Variants in NUP214 observed in about 807,000 individuals in gnomAD.
NUP214 encodes nucleoporin 214.
In NUP214, 79 loss-of-function variants were observed where a neutral mutation model predicts 196.2. The observed-to-expected ratio is 0.40, with a 90% CI of 0.34 to 0.49. The LOEUF is 0.49. NUP214 is among the 20% of genes least tolerant of loss of function. The pLI, the probability that NUP214 is intolerant of heterozygous loss-of-function variation, is 0.58. For missense variants in NUP214, 2,468 were observed against 2,539.0 expected, an observed-to-expected ratio of 0.97 and a Z score of 0.60; for synonymous variants, 1,020 against 990.5, an observed-to-expected ratio of 1.03 and a Z score of -0.56.
chr9:131,145,258 C>T (rs141699111), intron 12 of NUP214, among the ~76,000 whole-genome samples: 8 of 152,190 alleles, frequency 5.3e-5, no homozygotes, highest in African/African-American at 1.9e-4. Flanking sequence ...GGTTGGTATC[C>T]AGTTTCCTCC....
Position 131,129,442 on chromosome 9 carries a change from G to C in NUP214, c.557G>C (p.Cys186Ser). The C allele has an allele frequency of 1.2e-6, 2 of 1,614,208 alleles. No homozygotes were observed. The highest frequency in any genetic ancestry group is 1.7e-6 in the Non-Finnish European group (2 of 1,180,028). Residue 186 changes from cysteine to serine, a missense_variant, in exon 4 of 36, where the codon TGT (cysteine) becomes TCT (serine). Physicochemically the swap from Cys to Ser is moderately radical, Grantham distance 112 (BLOSUM62 -1). Coordinates refer to ENST00000359428, the MANE Select transcript of NUP214 (RefSeq NM_005085.4). ...CAAGTCACGGAAACAGTGAAAGTAT[G>C]TGCAACTCTTCCTTCCACGGTAGCA... is the stretch of plus-strand genomic sequence containing the variant. Reference protein sequence around the residue: ...VLQVTETVKVCATLPSTVAVT... With the variant: ...VLQVTETVKVSATLPSTVAVT...
At chr9:131,168,210 T>C (rs971533929) in intron 21 of NUP214, among the ~76,000 whole-genome samples, 1 of 152,234 alleles carries the variant, frequency 6.6e-6, no homozygotes. Flanking sequence ...AAGTTCTTAA[T>C]TGTAAAATAG....
chr9:131,193,535 A>G (rs1020774162), intron 27 of NUP214, among the ~76,000 whole-genome samples: 1 of 150,302 alleles, frequency 6.7e-6, no homozygotes, highest in African/African-American at 2.4e-5. Context: ...AATTTGCAGC[A>G]AATTTTAAAG....
At chr9:131,214,555 T>C (rs1834339810) in intron 30 of NUP214, among the ~76,000 whole-genome samples, 1 of 152,186 alleles carries the variant, frequency 6.6e-6, no homozygotes, top group Admixed American at 6.5e-5. Context: ...AGTTGTTCTT[T>C]AAGAACCAGC....
At chr9:131,228,385 AG>A in intron 33 of NUP214, 54 bp downstream of exon 33, 1 of 1,527,274 alleles carries the variant, frequency 6.5e-7, no homozygotes, top group Non-Finnish European at 8.8e-7. Context: ...AAAAAGCACT[AG>A]GGGCCTGTAC....
chr9:131,132,687 A>G, intron 6 of NUP214, 28 bp downstream of exon 6: 1 of 1,571,850 alleles, frequency 6.4e-7, no homozygotes, highest in Non-Finnish European at 8.8e-7. Context: ...TATTGGGCTG[A>G]CCTCTAATGA....
chr9:131,205,959 A>G (rs1834066269), intron 30 of NUP214, among the ~76,000 whole-genome samples: 1 of 152,120 alleles, frequency 6.6e-6, no homozygotes, highest in African/African-American at 2.4e-5. Flanking sequence ...CTGGGATTAC[A>G]GTCATGAGCC....
intron 30 of NUP214, among the ~76,000 whole-genome samples, chr9:131,214,237 A>G (rs1205803532): frequency 3.3e-5 from 5 of 152,250 alleles, no homozygotes; most frequent in African/African-American, 1.2e-4. Context: ...TGCCTAGCAC[A>G]TACAGAGTGC....
At chr9:131,185,458 T>C (rs984928364) in intron 24 of NUP214, among the ~76,000 whole-genome samples, 4 of 152,258 alleles carry the variant, frequency 2.6e-5, no homozygotes, top group Admixed American at 6.5e-5. Flanking sequence ...GGCTCTGTTA[T>C]AGCACCATTT....
Position 131,175,534 on chromosome 9 carries a change from G to T in NUP214, c.3232G>T (p.Gly1078Cys). The change falls in exon 23 of 36, where the codon GGT becomes TGT. Residue 1078 changes from glycine to cysteine, a missense_variant. Around this residue, in one of 5 missense-constraint regions of NUP214, gnomAD observed 1,801 missense variants for 1,779.4 expected, o/e 1.01. Coordinates refer to ENST00000359428, the MANE Select transcript of NUP214 (RefSeq NM_005085.4). ...TMLATKTVKH[G>C]APSPSHPISA... ...GCTTGCCACGAAAACCGTGAAACAT[G>T]GTGCACCTAGTCCTTCCCACCCCAT... 6.2e-7 allele frequency: 1 copy of T among 1,614,186 alleles called. No individual in the cohort carries two copies.
In NUP214 at chr9:131,163,035, C is replaced by G; in HGVS notation, c.2585C>G (p.Ala862Gly). ...PERETLFNTLANNREIINQQR... is the reference protein window; with the variant it reads ...PERETLFNTLGNNREIINQQR... ...CGAGAGACACTGTTTAACACCCTAG[C>G]CAACAATCGGGAAATCATCAACCAA... The change falls in exon 19 of 36, where the codon GCC becomes GGC. Residue 862 changes from alanine (A) to glycine (G), a missense_variant. This residue lies in a region of NUP214 where 1,801 missense variants were observed against 1,779.4 expected (regional missense o/e 1.01). Transcript: ENST00000359428. The G allele has an allele frequency of 1.2e-6, 2 of 1,614,174 alleles. No individual in the cohort carries two copies. Among genetic ancestry groups the G allele is most frequent in the Non-Finnish European group, 8.5e-7 (1 of 1,180,034 alleles).
At chr9:131,174,455 CTT>C in intron 22 of NUP214, 137 bp downstream of exon 22, 1 of 450,890 alleles carries the variant, frequency 2.2e-6, no homozygotes, top group Non-Finnish European at 3.5e-6. Flanking sequence ...TTCTTTTTTT[CTT>C]TTTTTTTTTG....
At chr9:131,133,284 AG>A (rs1268785797) in intron 7 of NUP214, 75 bp downstream of exon 7, 12 of 859,766 alleles carry the variant, frequency 1.4e-5, no homozygotes, top group Non-Finnish European at 2.1e-5. Context: ...TTTGATTTCA[AG>A]GGGTTTTTTT....
At chr9:131,209,776 C>T (rs1834185205) in intron 30 of NUP214, among the ~76,000 whole-genome samples, 1 of 152,176 alleles carries the variant, frequency 6.6e-6, no homozygotes, top group Non-Finnish European at 1.5e-5. Flanking sequence ...GCATACATAT[C>T]CTCCAGCTCT....
At chr9:131,145,929 CG>C (rs1462683496) in intron 12 of NUP214, among the ~76,000 whole-genome samples, 199 bp from the exon 13 acceptor site, 1 of 152,080 alleles carries the variant, frequency 6.6e-6, no homozygotes, top group East Asian at 1.9e-4. Context: ...AATAAGCAGA[CG>C]AAAAGATAAA....
intron 24 of NUP214, among the ~76,000 whole-genome samples, chr9:131,179,443 C>A (rs1369909999): frequency 6.6e-6 from 1 of 152,196 alleles, no homozygotes; most frequent in Non-Finnish European, 1.5e-5. Context: ...TTAGACCAAC[C>A]ACCATCCCCT....
chr9:131,134,736 A>G (rs916376347), intron 7 of NUP214, among the ~76,000 whole-genome samples, 162 bp from the exon 8 acceptor site: 5 of 151,704 alleles, frequency 3.3e-5, no homozygotes, highest in African/African-American at 1.2e-4. Flanking sequence ...CAATGTTTGT[A>G]CTCCTTGTAC....
intron 32 of NUP214, among the ~76,000 whole-genome samples, chr9:131,227,336 C>T (rs1483301432): frequency 1.3e-5 from 2 of 152,198 alleles, no homozygotes; most frequent in Non-Finnish European, 2.9e-5. Context: ...GTGTTGGCAA[C>T]GTTGCAGAAG....
At chr9:131,172,038 G>C (rs1392914885) in intron 21 of NUP214, among the ~76,000 whole-genome samples, 5 of 151,902 alleles carry the variant, frequency 3.3e-5, no homozygotes, top group Non-Finnish European at 7.4e-5. Context: ...CTTTATAGCA[G>C]CATGATTTAT....
Sources: allele counts gnomAD v4.1 joint callset (sites outside exome capture counted in the v4.1 genomes callset), GRCh38; gene constraint gnomAD v4.1.1; regional missense constraint gnomAD v4.1.1; transcripts MANE v1.5; gene names NCBI Gene and HGNC (gene_info 2026-07-23, HGNC 2026-07-21).